The following GDAP1 variants were observed in gnomAD, a reference collection of about 807,000 sequenced individuals.
GDAP1 encodes ganglioside-induced differentiation-associated protein 1.
Under a neutral mutation model 40.1 loss-of-function variants are expected in GDAP1, and 34 were observed. The ratio of observed to expected loss-of-function variants is 0.85; its 90% confidence interval spans 0.64 to 1.13. GDAP1 has a LOEUF of 1.13. Ranked by LOEUF, GDAP1 falls within the 50% of genes most tolerant of loss-of-function variation. GDAP1 has a pLI of 0.00. For missense variants in GDAP1, 374 were observed against 433.7 expected, an observed-to-expected ratio of 0.86 and a Z score of 1.22; for synonymous variants, 170 against 157.4, an observed-to-expected ratio of 1.08 and a Z score of -0.60.
intron 2 of GDAP1, among the ~76,000 whole-genome samples, chr8:74,400,901 A>G (rs1002584471): frequency 6.7e-6 from 1 of 149,618 alleles, no homozygotes; most frequent in African/African-American, 2.6e-5. Flanking sequence ...TCTGGCTTAT[A>G]GGGTTTCTGC....
chr8:74,466,416 G>A (rs529179543), intron 2 of GDAP1, among the ~76,000 whole-genome samples: 2 of 152,314 alleles, frequency 1.3e-5, no homozygotes, highest in African/African-American at 2.4e-5. Context: ...GACGAAGGTA[G>A]ATGTGTGAAG....
At chr8:74,424,362 G>A (rs891348864) in intron 2 of GDAP1, among the ~76,000 whole-genome samples, 16 of 152,006 alleles carry the variant, frequency 1.1e-4, no homozygotes, top group African/African-American at 4.8e-5. Context: ...ATATACCTCC[G>A]TGGACACAAA....
At chr8:74,432,971 A>G (rs1474164949) in intron 2 of GDAP1, among the ~76,000 whole-genome samples, 1 of 152,162 alleles carries the variant, frequency 6.6e-6, no homozygotes, top group African/African-American at 2.4e-5. Flanking sequence ...TTCTGACATC[A>G]TATCTTATGA....
At chr8:74,467,229 T>C (rs1387944090) in intron 2 of GDAP1, among the ~76,000 whole-genome samples, 1 of 151,820 alleles carries the variant, frequency 6.6e-6, no homozygotes, top group Non-Finnish European at 1.5e-5. Flanking sequence ...TCTTAGAGAG[T>C]GGAAGATCAA....
chr8:74,469,545 G>A (rs1429812675), intron 2 of GDAP1, among the ~76,000 whole-genome samples: 8 of 151,878 alleles, frequency 5.3e-5, no homozygotes, highest in Admixed American at 1.3e-4. Context: ...GCGGGCGCCT[G>A]TAGTCCCAGC....
At chr8:74,460,585 A>G (rs1806389023) in intron 2 of GDAP1, among the ~76,000 whole-genome samples, 1 of 152,176 alleles carries the variant, frequency 6.6e-6, no homozygotes, top group Non-Finnish European at 1.5e-5. Context: ...GGAAAATCTA[A>G]TACTGAACAG....
rs187319308 is a variant in GDAP1, at chr8:74,372,499, T to G, written c.165+21178T>G. On this transcript the variant is annotated intron_variant, in intron 2 of 2. Transcript: ENST00000523640. ...GATGGTATCTCATTGTGGTTTTGAT[T>G]TGCATTTCTCTAATGGCCAGTGATG... is the stretch of plus-strand genomic sequence containing the variant. Among the ~76,000 whole-genome samples the G allele has an allele frequency of 5.9e-5, 9 of 152,346 alleles. 1 individual carries two copies. The highest frequency in any genetic ancestry group is 2.2e-4 in the African/African-American group (9 of 41,582).
downstream of GDAP1, among the ~76,000 whole-genome samples, chr8:74,370,594 G>A (rs1342108971): frequency 6.6e-6 from 1 of 152,054 alleles, no homozygotes; most frequent in East Asian, 1.9e-4. Context: ...AAACAGAAGG[G>A]ACAAATGGAA....
chr8:74,361,738 G>C (rs1397606712), intron 3 of GDAP1, 146 bp from the exon 4 acceptor site: 1 of 665,332 alleles, frequency 1.5e-6, no homozygotes, highest in Admixed American at 2.3e-5. Context: ...AGGAAACTGA[G>C]GCATAGACAG....
chr8:74,455,775 A>G (rs755723842), intron 2 of GDAP1, among the ~76,000 whole-genome samples: 6 of 151,912 alleles, frequency 3.9e-5, no homozygotes, highest in Non-Finnish European at 7.4e-5. Context: ...AAACCATTCT[A>G]TATCCTCAAA....
chr8:74,376,278 T>C (rs986069429), intron 2 of GDAP1, among the ~76,000 whole-genome samples: 3 of 152,026 alleles, frequency 2.0e-5, no homozygotes, highest in African/African-American at 7.2e-5. Context: ...CTAAAATTTA[T>C]GTGAAAATGC....
intron 2 of GDAP1, among the ~76,000 whole-genome samples, chr8:74,411,719 C>A (rs1196677287): frequency 7.9e-5 from 11 of 139,050 alleles, no homozygotes; most frequent in African/African-American, 8.6e-5. Context: ...GTGTCTCTAC[C>A]AAAAAAAAAA....
intron 2 of GDAP1, among the ~76,000 whole-genome samples, chr8:74,480,845 C>G (rs1004850727): frequency 6.6e-6 from 1 of 152,180 alleles, no homozygotes; most frequent in African/African-American, 2.4e-5. Flanking sequence ...GTTGGCAGAA[C>G]AGACCTGTTC....
At chr8:74,468,231 G>C (rs1472521242) in intron 2 of GDAP1, among the ~76,000 whole-genome samples, 1 of 151,434 alleles carries the variant, frequency 6.6e-6, no homozygotes, top group Non-Finnish European at 1.5e-5. Flanking sequence ...TTCTTTTTCA[G>C]TGGTTTCTCA....
chr8:74,464,411 T>C (rs956530849), intron 2 of GDAP1, among the ~76,000 whole-genome samples: 1 of 152,200 alleles, frequency 6.6e-6, no homozygotes, highest in Non-Finnish European at 1.5e-5. Flanking sequence ...TTGCTTGGTT[T>C]TCTGTAAGAC....
At chr8:74,458,275 A>T (rs987999776) in intron 2 of GDAP1, among the ~76,000 whole-genome samples, 1 of 151,902 alleles carries the variant, frequency 6.6e-6, no homozygotes, top group Non-Finnish European at 1.5e-5. Context: ...ATATAAATTA[A>T]TATAACAAGG....
At chr8:74,361,806 G>T (rs1809377497) in intron 3 of GDAP1, 78 bp from the exon 4 acceptor site, 1 of 854,268 alleles carries the variant, frequency 1.2e-6, no homozygotes, top group South Asian at 1.4e-5. Flanking sequence ...TCTTGTCATT[G>T]AGTTTCTCTG....
At chr8:74,422,816 TCTTCTCA>T (rs1805895325) in intron 2 of GDAP1, among the ~76,000 whole-genome samples, 1 of 151,752 alleles carries the variant, frequency 6.6e-6, no homozygotes, top group Non-Finnish European at 1.5e-5. Flanking sequence ...TTTCCCATTT[TCTTCTCA>T]CTTCTCACTT....
At chr8:74,422,995 AATCT>A (rs1315287253) in intron 2 of GDAP1, among the ~76,000 whole-genome samples, 1 of 149,162 alleles carries the variant, frequency 6.7e-6, no homozygotes, top group Non-Finnish European at 1.5e-5. Flanking sequence ...TTGAACACCC[AATCT>A]ATGTAAAATA....
Sources: gnomAD v4.1 joint callset for allele counts (sites outside exome capture counted in the v4.1 genomes callset) on GRCh38, gnomAD v4.1.1 for gene constraint, MANE v1.5 for transcripts, NCBI Gene and HGNC (gene_info 2026-07-23, HGNC 2026-07-21) for gene names.